PCDHA5: variants seen among roughly 807,000 people sequenced by gnomAD.
The protein encoded by PCDHA5 is protocadherin alpha-5.
In PCDHA5, 43 loss-of-function variants were observed where a neutral mutation model predicts 61.6. The ratio of observed to expected loss-of-function variants is 0.70; its 90% CI spans 0.55 to 0.90. The LOEUF is 0.90. PCDHA5 is among the 40% of genes least tolerant of loss of function. PCDHA5 has a pLI of 0.00. For synonymous variants in PCDHA5, 627 were observed against 543.9 expected, an observed-to-expected ratio of 1.15 and a Z score of -2.13; for missense variants, 1,298 against 1,222.7, an observed-to-expected ratio of 1.06 and a Z score of -0.92.
intron 1 of PCDHA5, chr5:140,836,178 G>C (rs2150254808): frequency 6.2e-7 from 1 of 1,613,826 alleles, no homozygotes. Flanking sequence ...TGCAGTTGAC[G>C]CTGACTCAGG....
At chr5:140,870,227 A>G in intron 1 of PCDHA5, 1 of 1,614,142 alleles carries the variant, frequency 6.2e-7, no homozygotes, top group Non-Finnish European at 8.5e-7. Flanking sequence ...AGCGTGTCTG[A>G]CCGTGACTCA....
At chr5:140,909,866 A>G (rs1203006388) in intron 1 of PCDHA5, among the ~76,000 whole-genome samples, 2 of 152,212 alleles carry the variant, frequency 1.3e-5, no homozygotes, top group African/African-American at 2.4e-5. Context: ...CCTGGAGTCA[A>G]CGTCAGCTTA....
chr5:140,884,579 G>A (rs1035826331), intron 1 of PCDHA5: 5 of 1,614,058 alleles, frequency 3.1e-6, no homozygotes, highest in Admixed American at 1.7e-5. Flanking sequence ...GGACCTCATG[G>A]CCTTCAGTCC....
chr5:140,883,580 AC>A, intron 1 of PCDHA5: 1 of 1,613,994 alleles, frequency 6.2e-7, no homozygotes. Flanking sequence ...GCTGTGGGCC[AC>A]GGCCAGCGTG....
intron 1 of PCDHA5, chr5:140,883,969 G>T (rs1398092888): frequency 5.6e-6 from 9 of 1,612,844 alleles, no homozygotes; most frequent in Non-Finnish European, 7.6e-6. Flanking sequence ...CGCTGCTGAC[G>T]CCCGGGGCTG....
chr5:140,836,577 T>C lies in PCDHA5; in HGVS notation c.2352+12450T>C. ...CTCAGCGCCGTCCTCTGAGGGCGCA[T>C]GTAGTTTGGTAAAGCCCACTCTGGT... is the stretch of plus-strand genomic sequence containing the variant. On this transcript the variant is annotated intron_variant, in intron 1 of 3. Transcript: ENST00000529859. 1 of 1,613,654 alleles carries C rather than the reference T, an allele frequency of 6.2e-7. No homozygotes were observed. The highest frequency in any genetic ancestry group is 8.5e-7 in the Non-Finnish European group (1 of 1,179,798).
chr5:140,972,958 G>C (rs918792607), intron 1 of PCDHA5, among the ~76,000 whole-genome samples: 1 of 152,038 alleles, frequency 6.6e-6, no homozygotes, highest in African/African-American at 2.4e-5. Context: ...CACCATGCCC[G>C]GCAAAGGAAA....
chr5:140,822,596 A>G lies in PCDHA5; in HGVS notation c.821A>G (p.Lys274Arg). Residue 274 changes from lysine (K) to arginine (R), a missense_variant, in exon 1 of 4, where the codon AAG (lysine) becomes AGG (arginine). By Grantham distance (26) the Lys-to-Arg change is conservative. Coordinates refer to ENST00000529859, the MANE Select transcript of PCDHA5 (RefSeq NM_018908.3). Reference sequence around the variant, plus strand: ...TCAGATGCAGATGAGGGCATCAATAAGGAAATAGTGTATTTCTTTAGTAAT... The same window carrying G: ...TCAGATGCAGATGAGGGCATCAATAGGGAAATAGTGTATTTCTTTAGTAAT... Reference protein sequence around the residue: ...NASDADEGINKEIVYFFSNLV... With the variant: ...NASDADEGINREIVYFFSNLV... 1 of 1,612,122 alleles carries G rather than the reference A, an allele frequency of 6.2e-7. No homozygotes were observed. The highest frequency in any genetic ancestry group is 8.5e-7 in the Non-Finnish European group (1 of 1,178,418).
At chr5:140,854,143 C>CA (rs1554147026) in intron 1 of PCDHA5, 3 of 432,586 alleles carry the variant, frequency 6.9e-6, no homozygotes, top group Non-Finnish European at 8.7e-6. Flanking sequence ...GCCCGGGTGA[C>CA]AGCAAGATTC....
intron 1 of PCDHA5, among the ~76,000 whole-genome samples, chr5:140,914,884 CCTG>C (rs2153531970): frequency 6.6e-6 from 1 of 151,782 alleles, no homozygotes; most frequent in East Asian, 1.9e-4. Flanking sequence ...ACTGTATCCT[CCTG>C]CTTTTAACTT....
intron 1 of PCDHA5, chr5:140,876,661 C>T: frequency 1.2e-6 from 2 of 1,614,212 alleles, no homozygotes; most frequent in Non-Finnish European, 1.7e-6. Context: ...TCCCTTCAAG[C>T]TGGTGTCCAC....
chr5:140,869,476 G>C (rs530490517), intron 1 of PCDHA5: 71 of 1,614,076 alleles, frequency 4.4e-5, no homozygotes, highest in Non-Finnish European at 5.9e-5. Context: ...GGAGGTGAAG[G>C]ACATTAACGA....
intron 1 of PCDHA5, chr5:140,869,637 T>A: frequency 6.2e-7 from 1 of 1,613,610 alleles, no homozygotes; most frequent in Non-Finnish European, 8.5e-7. Flanking sequence ...ATGAGTATTT[T>A]TCTTTAGATT....
rs1021823272 is a variant in PCDHA5, at chr5:140,866,632, C to T, written c.2352+42505C>T. ...GGAGAACCTCCTGGGGTTCTGACAA[C>T]GGTGTCAAAATTTATTTATGTGTTT... On this transcript the variant is annotated intron_variant, in intron 1 of 3. Coordinates refer to ENST00000529859, the MANE Select transcript of PCDHA5 (RefSeq NM_018908.3). 22 of 152,178 alleles carry T rather than the reference C, an allele frequency of 1.4e-4. No homozygotes were observed. In the South Asian group the frequency reaches 2.9e-3, roughly 20 times the overall value. The allele number at this position is 152,178 out of a possible 1,614,324, so 9.4% of individuals were successfully genotyped here.
rs114918834 is a variant in PCDHA5, at chr5:140,920,894, T to C, written c.2353-58055T>C. 7.8e-3 allele frequency among the ~76,000 whole-genome samples: 1,179 copies of C among 151,482 alleles called. 6 individuals carry two copies. The highest frequency in any genetic ancestry group is 0.019 in the African/African-American group (771 of 41,278). Reference sequence around the variant, plus strand: ...GTGGCCCTTAGAACTTAAAGTCATATTTTGGTTCTCAAATCAGTTCCAAGA... The same window carrying C: ...GTGGCCCTTAGAACTTAAAGTCATACTTTGGTTCTCAAATCAGTTCCAAGA... On this transcript the variant is annotated intron_variant, in intron 1 of 3. Coordinates refer to ENST00000529859, the MANE Select transcript of PCDHA5 (RefSeq NM_018908.3).
At chr5:140,907,181 A>T (rs1216886799) in intron 1 of PCDHA5, among the ~76,000 whole-genome samples, 3 of 152,220 alleles carry the variant, frequency 2.0e-5, no homozygotes, top group African/African-American at 7.2e-5. Context: ...GATTCAGAGC[A>T]TACACAACCT....
chr5:140,877,457 C>T lies in PCDHA5; in HGVS notation c.2352+53330C>T, dbSNP rs73263833. On this transcript the variant is annotated intron_variant, in intron 1 of 3. Coordinates refer to ENST00000529859, the MANE Select transcript of PCDHA5 (RefSeq NM_018908.3). ...CACGGTGAGCCCGCGCTGACGTCCACGGCCACGGTGCTGGTGTCGCTGGTG... is the reference window on the plus strand; with the variant it reads ...CACGGTGAGCCCGCGCTGACGTCCATGGCCACGGTGCTGGTGTCGCTGGTG... 1.0e-3 allele frequency: 1,615 copies of T among 1,613,806 alleles called. 8 individuals carry two copies. The African/African-American group carries it at 0.018, about 18-fold the overall frequency.
intron 1 of PCDHA5, among the ~76,000 whole-genome samples, chr5:140,904,695 G>A (rs1276696069): frequency 2.0e-5 from 3 of 152,024 alleles, no homozygotes; most frequent in Admixed American, 2.0e-4. Flanking sequence ...GTGTAAAATT[G>A]TTCCCTTTTC....
chr5:140,881,106 C>T (rs1233394839), intron 1 of PCDHA5, among the ~76,000 whole-genome samples: 1 of 152,114 alleles, frequency 6.6e-6, no homozygotes, highest in Non-Finnish European at 1.5e-5. Context: ...CACCATTTGG[C>T]CTGGGATTTT....
Sources: gnomAD v4.1 joint callset for allele counts (sites outside exome capture counted in the v4.1 genomes callset) on GRCh38, gnomAD v4.1.1 for gene constraint, MANE v1.5 for transcripts, NCBI Gene and HGNC (gene_info 2026-07-23, HGNC 2026-07-21) for gene names.